TAF1A: variants seen among roughly 807,000 people sequenced by gnomAD.
TAF1A encodes TATA box-binding protein-associated factor RNA polymerase I subunit A.
In TAF1A, 42 loss-of-function variants were observed where a neutral mutation model predicts 61.6. The ratio of observed to expected loss-of-function variants is 0.68; its 90% CI spans 0.53 to 0.88. The LOEUF (loss-of-function observed/expected upper bound fraction) is 0.88, where lower values mean the gene tolerates loss of function less well. Among genes scored for constraint, TAF1A ranks in the 40% least tolerant of loss-of-function variants. TAF1A has a pLI of 0.00. For missense variants in TAF1A, 424 were observed against 518.7 expected, an observed-to-expected ratio of 0.82 and a Z score of 1.77; for synonymous variants, 179 against 177.7, an observed-to-expected ratio of 1.01 and a Z score of -0.06.
In TAF1A at chr1:222,577,619, G is replaced by A. The variant is rs758145004; in HGVS notation, c.430C>T (p.Leu144Phe). 6.2e-7 allele frequency: 1 copy of A among 1,613,822 alleles called. No homozygotes were observed. Among genetic ancestry groups the A allele is most frequent in the Admixed American group, 1.7e-5 (1 of 60,020 alleles). Reference sequence around the variant, plus strand: ...TCTTTAAGCATTCCATGATGCAGAAGGTATAATGCATGTTGTAAGGAGATC... The same window carrying A: ...TCTTTAAGCATTCCATGATGCAGAAAGTATAATGCATGTTGTAAGGAGATC... ...LKISLQHALY[L>F]LHHGMLKDAK... Residue 144 changes from leucine to phenylalanine, a missense_variant, in exon 5 of 11, where the codon CTT (leucine) becomes TTT (phenylalanine). Transcript: ENST00000352967.
chr1:222,571,118 A>C (rs1015694189), intron 5 of TAF1A, among the ~76,000 whole-genome samples: 4 of 152,176 alleles, frequency 2.6e-5, no homozygotes, highest in African/African-American at 9.6e-5. Flanking sequence ...AAATCAAAAG[A>C]ATACAGGACC....
At chr1:222,582,986 C>A (rs1279061060) in intron 3 of TAF1A, among the ~76,000 whole-genome samples, 1 of 152,124 alleles carries the variant, frequency 6.6e-6, no homozygotes, top group Non-Finnish European at 1.5e-5. Flanking sequence ...GAGTTCAAGA[C>A]CTGCCTGGCC....
intron 7 of TAF1A, among the ~76,000 whole-genome samples, chr1:222,564,658 T>G (rs900094249): frequency 3.3e-5 from 5 of 152,018 alleles, no homozygotes; most frequent in African/African-American, 1.2e-4. Flanking sequence ...AATGAAAAAA[T>G]TAAAGATTTT....
chr1:222,561,927 T>C (rs187652735), intron 9 of TAF1A, among the ~76,000 whole-genome samples: 6 of 152,296 alleles, frequency 3.9e-5, no homozygotes, highest in South Asian at 2.1e-4. Context: ...ATTCTAGTAG[T>C]AGGGTACAGC....
intron 7 of TAF1A, chr1:222,569,249 A>C: frequency 7.8e-7 from 1 of 1,288,788 alleles, no homozygotes; most frequent in Non-Finnish European, 9.9e-7. Flanking sequence ...GATTTTCAAA[A>C]AATATCAGTG....
At chr1:222,580,279 A>G (rs1367981995) in intron 3 of TAF1A, among the ~76,000 whole-genome samples, 6 of 152,196 alleles carry the variant, frequency 3.9e-5, no homozygotes, top group Non-Finnish European at 7.3e-5. Flanking sequence ...AGGGCAACAA[A>G]CTACACATTT....
At chr1:222,561,619 G>A (rs1203388133) in intron 9 of TAF1A, 101 bp from the exon 10 acceptor site, 2 of 1,210,546 alleles carry the variant, frequency 1.7e-6, no homozygotes, top group Non-Finnish European at 2.3e-6. Flanking sequence ...TGACAAGGAA[G>A]ATGCTTCCAA....
intron 2 of TAF1A, among the ~76,000 whole-genome samples, chr1:222,587,238 G>A (rs1661051789): frequency 6.6e-6 from 1 of 152,112 alleles, no homozygotes; most frequent in African/African-American, 2.4e-5. Context: ...ACTATGCTAG[G>A]TACTTTACAT....
chr1:222,587,936 C>T (rs1661082388), intron 2 of TAF1A, among the ~76,000 whole-genome samples: 1 of 151,758 alleles, frequency 6.6e-6, no homozygotes, highest in Non-Finnish European at 1.5e-5. Flanking sequence ...CCTGTAATCT[C>T]AGTTACTCGG....
Position 222,558,727 on chromosome 1 carries a change from A to T in TAF1A, c.1286T>A (p.Leu429Ter). The T allele has an allele frequency of 6.4e-7, 1 of 1,564,024 alleles. No individual in the cohort carries two copies. The highest frequency in any genetic ancestry group is 8.7e-7 in the Non-Finnish European group (1 of 1,152,482). ...CTTCATCCGCTTAATTTTCTTCCCT[A>T]AGATTTGGTGATCTTGCTTTAAAAT... Reference protein sequence around the residue: ...RYILKQDHQILGKKIKRMKRS... With the variant: ...RYILKQDHQI The change falls in exon 11 of 11, where the codon TTA becomes TAA. Residue 429 changes from leucine (L) to a stop codon, truncating the protein, a stop_gained. Transcript: ENST00000352967. LOFTEE classifies it high-confidence loss of function.
rs2270705 is a variant in TAF1A at position 222,588,429 on chromosome 1, A to G, written c.121+14T>C. On this transcript the variant is annotated intron_variant, in intron 2 of 10. Coordinates refer to ENST00000352967, the MANE Select transcript of TAF1A (RefSeq NM_005681.4). ...CTTAAAGTTAAAATGGCTCAATGTT[A>G]TTATTTTACTTACCCACAGTTTCTA... 0.08 allele frequency: 129,511 copies of G among 1,610,154 alleles called. 5,427 individuals are homozygous for G. Among genetic ancestry groups the G allele is most frequent in the Middle Eastern group, 0.11 (637 of 6,046 alleles).
At chr1:222,567,740 A>G (rs1186442704) in intron 7 of TAF1A, among the ~76,000 whole-genome samples, 1 of 152,218 alleles carries the variant, frequency 6.6e-6, no homozygotes, top group Non-Finnish European at 1.5e-5. Context: ...TATACATGGA[A>G]AGTTAAAGAA....
At chr1:222,580,242 A>T (rs1236631260) in intron 3 of TAF1A, among the ~76,000 whole-genome samples, 1 of 152,226 alleles carries the variant, frequency 6.6e-6, no homozygotes, top group Non-Finnish European at 1.5e-5. Context: ...CATTGGTCTC[A>T]GCCTCTTCTT....
At chr1:222,561,716 T>A (rs1447005190) in intron 9 of TAF1A, among the ~76,000 whole-genome samples, 198 bp from the exon 10 acceptor site, 2 of 152,154 alleles carry the variant, frequency 1.3e-5, no homozygotes, top group South Asian at 4.1e-4. Flanking sequence ...CATCTCCATA[T>A]CCCATTTTCC....
intron 9 of TAF1A, among the ~76,000 whole-genome samples, chr1:222,562,144 AT>A (rs533175611): frequency 3.4e-4 from 52 of 152,138 alleles, no homozygotes; most frequent in African/African-American, 1.2e-3. Flanking sequence ...TCTGTGAATA[AT>A]TTTTTTTATT....
chr1:222,559,024 C>A (rs1407709026), intron 10 of TAF1A, among the ~76,000 whole-genome samples: 1 of 152,152 alleles, frequency 6.6e-6, no homozygotes, highest in Non-Finnish European at 1.5e-5. Context: ...AAACATATTT[C>A]TTCCTATATA....
rs751984094 is a variant in TAF1A at position 222,561,358 on chromosome 1, CTG to C, written c.1240+4_1240+5del. 1.3e-6 allele frequency: 2 copies of C among 1,593,860 alleles called. No homozygotes were observed. The highest frequency in any genetic ancestry group is 1.7e-6 in the Non-Finnish European group (2 of 1,173,670). On this transcript the variant is annotated splice_donor_5th_base_variant and intron_variant, in intron 10 of 10. Transcript: ENST00000352967. ...TGTCTAGATAAAACGAAAATAAAAACTGTACCTTTTCCTAACAGTAAACCAGC... is the reference window on the plus strand; with the variant it reads ...TGTCTAGATAAAACGAAAATAAAAACTACCTTTTCCTAACAGTAAACCAGC...
Position 222,558,615 on chromosome 1 carries a change from C to A in TAF1A, c.*45G>T. 1 of 1,016,076 alleles carries A rather than the reference C, an allele frequency of 9.8e-7. No homozygotes were observed. Among genetic ancestry groups the A allele is most frequent in the Non-Finnish European group, 1.4e-6 (1 of 715,302 alleles). 62.9% of individuals were successfully genotyped at this position (1,016,076 alleles called of 1,614,324 possible). ...ATACATTCAATAACTATCTACCAAG[C>A]TACTTACTGTGTAGCTACAACTGTG... On this transcript the variant is annotated 3_prime_UTR_variant, in exon 11 of 11. Coordinates refer to ENST00000352967, the MANE Select transcript of TAF1A (RefSeq NM_005681.4).
intron 7 of TAF1A, chr1:222,569,304 C>A: frequency 6.7e-7 from 1 of 1,497,670 alleles, no homozygotes; most frequent in Non-Finnish European, 8.9e-7. Context: ...GATCCTCTCT[C>A]CTCAGTCTCA....
Sources: gnomAD v4.1 joint callset for allele counts (sites outside exome capture counted in the v4.1 genomes callset) on GRCh38, gnomAD v4.1.1 for gene constraint, MANE v1.5 for transcripts, NCBI Gene and HGNC (gene_info 2026-07-23, HGNC 2026-07-21) for gene names.